Variants in FGF12 observed in about 807,000 individuals in gnomAD.
The protein encoded by FGF12 is fibroblast growth factor 12.
Under a neutral mutation model 23.6 loss-of-function variants are expected in FGF12, and 14 were observed. The ratio of observed to expected loss-of-function variants is 0.59; its 90% CI spans 0.39 to 0.93. The LOEUF (loss-of-function observed/expected upper bound fraction) is 0.93, where lower values mean the gene tolerates loss of function less well. Among genes scored for constraint, FGF12 ranks in the 40% least tolerant of loss-of-function variants. The pLI is 0.00. For missense variants in FGF12, 175 were observed against 217.8 expected, an observed-to-expected ratio of 0.80 and a Z score of 1.24; for synonymous variants, 62 against 77.3, an observed-to-expected ratio of 0.80 and a Z score of 1.04.
In FGF12 at chr3:192,687,031, A is replaced by G. The variant is rs982766462; in HGVS notation, c.13+40150T>C. Among the ~76,000 whole-genome samples the G allele has an allele frequency of 1.3e-4, 20 of 151,368 alleles. No individual in the cohort carries two copies. In the South Asian group the frequency reaches 1.5e-3, roughly 11 times the overall value. Reference sequence around the variant, plus strand: ...TTTTTAGTAGAGACGGGGTTTCACCATCTTAGCCAGGATGGTCTCCATCTC... The same window carrying G: ...TTTTTAGTAGAGACGGGGTTTCACCGTCTTAGCCAGGATGGTCTCCATCTC... On this transcript the variant is annotated intron_variant, in intron 2 of 5. Transcript: ENST00000445105.
chr3:192,273,758 C>T (rs1713599219), intron 4 of FGF12, among the ~76,000 whole-genome samples: 1 of 152,010 alleles, frequency 6.6e-6, no homozygotes, highest in East Asian at 1.9e-4. Flanking sequence ...AAAATGCTTG[C>T]AAAAATAATA....
At chr3:192,201,781 C>T (rs899640204) in intron 4 of FGF12, among the ~76,000 whole-genome samples, 4 of 152,114 alleles carry the variant, frequency 2.6e-5, no homozygotes, top group African/African-American at 9.7e-5. Flanking sequence ...AGAAAGCAAA[C>T]GAATGAATAT....
At chr3:192,220,899 C>A (rs747430247) in intron 4 of FGF12, among the ~76,000 whole-genome samples, 1 of 152,186 alleles carries the variant, frequency 6.6e-6, no homozygotes, top group Non-Finnish European at 1.5e-5. Flanking sequence ...ATCTTCAAGG[C>A]AATTCCTCTA....
chr3:192,664,834 C>T (rs1444142704), intron 2 of FGF12, among the ~76,000 whole-genome samples: 1 of 152,126 alleles, frequency 6.6e-6, no homozygotes, highest in Non-Finnish European at 1.5e-5. Flanking sequence ...ATTGTTATTC[C>T]TTCTGCATGG....
chr3:192,247,082 A>T (rs1711664664), intron 4 of FGF12, among the ~76,000 whole-genome samples: 1 of 141,798 alleles, frequency 7.1e-6, no homozygotes, highest in Non-Finnish European at 1.6e-5. Flanking sequence ...GGAAGGAAGG[A>T]AGGAAGGAAG....
At chr3:192,727,403 A>G (rs1719255205) in intron 1 of FGF12, 80 bp from the exon 2 acceptor site, 1 of 1,433,706 alleles carries the variant, frequency 7.0e-7, no homozygotes, top group Admixed American at 2.3e-5. Context: ...GATTGCCTCT[A>G]CAGGGGATAC....
At chr3:192,282,333 A>G (rs1714194312) in intron 4 of FGF12, among the ~76,000 whole-genome samples, 1 of 152,162 alleles carries the variant, frequency 6.6e-6, no homozygotes, top group South Asian at 2.1e-4. Context: ...TGGATGACAA[A>G]GAAGAGAATG....
chr3:192,168,418 C>T (rs1472310126), intron 5 of FGF12, among the ~76,000 whole-genome samples: 6 of 152,130 alleles, frequency 3.9e-5, no homozygotes, highest in Non-Finnish European at 7.4e-5. Context: ...CTGCCTAATC[C>T]CTACCTCTCA....
intron 2 of FGF12, among the ~76,000 whole-genome samples, chr3:192,378,415 C>T (rs1228551164): frequency 9.1e-5 from 13 of 142,358 alleles, no homozygotes; most frequent in Non-Finnish European, 4.4e-5. Flanking sequence ...CTGGTCTCCT[C>T]TAACTATTAA....
chr3:192,504,472 A>C (rs1724234255), intron 2 of FGF12, among the ~76,000 whole-genome samples: 1 of 152,214 alleles, frequency 6.6e-6, no homozygotes, highest in Non-Finnish European at 1.5e-5. Context: ...CCTTTCCCAG[A>C]GTATTGGAAA....
In FGF12 at chr3:192,167,560, C is replaced by CTT. The variant is rs542847964; in HGVS notation, c.427+2896_427+2897dup. ...ATTTGTTTTGTGAGAGAATAAAAAA[C>CTT]TTTATATGATTAAGCTGCTGTTAAT... On this transcript the variant is annotated intron_variant, in intron 5 of 5. Coordinates refer to ENST00000445105, the MANE Select transcript of FGF12 (RefSeq NM_004113.6). Among the ~76,000 whole-genome samples the CTT allele has an allele frequency of 1.9e-3, 291 of 151,338 alleles. 3 individuals carry two copies. The highest frequency in any genetic ancestry group is 6.5e-3 in the African/African-American group (268 of 41,224).
At position 192,261,987 on chromosome 3, in the gene FGF12, C is replaced by T. The variant is rs866366378; in HGVS notation, c.228+73374G>A. Among the ~76,000 whole-genome samples the T allele has an allele frequency of 3.9e-5, 6 of 152,090 alleles. No individual in the cohort carries two copies. The South Asian group carries it at 8.3e-4, about 21-fold the overall frequency. ...ACTGTCAAAGACAACAGAGGTGCCC[C>T]CTTAGTACTCGAAGAATTAGAAAAT... On this transcript the variant is annotated intron_variant, in intron 4 of 5. Transcript: ENST00000445105.
chr3:192,628,999 C>A (rs193288293), intron 2 of FGF12, among the ~76,000 whole-genome samples: 1 of 152,162 alleles, frequency 6.6e-6, no homozygotes, highest in Admixed American at 6.5e-5. Context: ...TTGAGCAAAC[C>A]ATTTCCTCTC....
chr3:192,271,442 A>T (rs1178838458), intron 4 of FGF12, among the ~76,000 whole-genome samples: 1 of 152,236 alleles, frequency 6.6e-6, no homozygotes, highest in Non-Finnish European at 1.5e-5. Context: ...ACATTACAAT[A>T]GCAAGGCAAA....
At chr3:192,230,752 G>A (rs1235358832) in intron 4 of FGF12, among the ~76,000 whole-genome samples, 1 of 151,746 alleles carries the variant, frequency 6.6e-6, no homozygotes, top group African/African-American at 2.4e-5. Context: ...ACTGTCATAG[G>A]GTAACAGTCT....
intron 2 of FGF12, among the ~76,000 whole-genome samples, chr3:192,464,459 C>T (rs146562867): frequency 0.011 from 1,704 of 150,166 alleles, 25 homozygotes; most frequent in African/African-American, 0.04. Flanking sequence ...GCTGTGAATG[C>T]CATTATTTCA....
intron 2 of FGF12, among the ~76,000 whole-genome samples, chr3:192,711,871 T>C (rs190046362): frequency 1.3e-5 from 2 of 148,998 alleles, no homozygotes; most frequent in African/African-American, 5.0e-5. Flanking sequence ...GTTTATCTGC[T>C]GACCTTCCCT....
intron 2 of FGF12, chr3:192,521,275 T>A (rs1445436926): frequency 6.6e-6 from 1 of 152,222 alleles, no homozygotes; most frequent in Non-Finnish European, 1.5e-5. Flanking sequence ...AACTTTTTTC[T>A]TATCTTCAAA....
intron 3 of FGF12, among the ~76,000 whole-genome samples, chr3:192,345,674 G>A (rs1258989663): frequency 2.6e-5 from 1 of 38,558 alleles, no homozygotes; most frequent in South Asian, 9.7e-4. Flanking sequence ...GCGACAGAGC[G>A]AGACTCCGTC....
Sources: allele counts gnomAD v4.1 joint callset (sites outside exome capture counted in the v4.1 genomes callset), GRCh38; gene constraint gnomAD v4.1.1; transcripts MANE v1.5; gene names NCBI Gene and HGNC (gene_info 2026-07-23, HGNC 2026-07-21).